PXDC1: variants seen among roughly 807,000 people sequenced by gnomAD.
PXDC1 encodes the protein PX domain-containing protein 1.
In PXDC1, 13 loss-of-function variants were observed where a neutral mutation model predicts 24.4. The ratio of observed to expected loss-of-function variants is 0.53; its 90% CI spans 0.35 to 0.85. The LOEUF is 0.85. PXDC1 is among the 40% of genes least tolerant of loss of function. PXDC1 has a pLI of 0.01. For missense variants in PXDC1, 344 were observed against 309.3 expected, an observed-to-expected ratio of 1.11 and a Z score of -0.84; for synonymous variants, 162 against 124.9, an observed-to-expected ratio of 1.30 and a Z score of -1.98.
At chr6:3,739,162 C>G in intron 1 of PXDC1, 1 of 1,108,072 alleles carries the variant, frequency 9.0e-7, no homozygotes, top group Non-Finnish European at 1.1e-6. Flanking sequence ...TTGAATAGGT[C>G]TATAAGAGAG....
intron 4 of PXDC1, among the ~76,000 whole-genome samples, chr6:3,726,043 C>T (rs77333763): frequency 0.012 from 1,877 of 152,302 alleles, 50 homozygotes; most frequent in African/African-American, 0.043. Flanking sequence ...CCGTGTGTTT[C>T]TCCTCAGCTC....
chr6:3,724,127 G>A lies in PXDC1; in HGVS notation c.579-391C>T, dbSNP rs985290848. Among the ~76,000 whole-genome samples, 2 of 152,320 alleles carry A rather than the reference G, an allele frequency of 1.3e-5. No homozygotes were observed. Among genetic ancestry groups the A allele is most frequent in the South Asian group, 2.1e-4 (1 of 4,828 alleles). ...GGCCCTGGGGACAGCTGAGAGAGGA[G>A]TGGTCACGAGCTCACAGCCTGACCG... On this transcript the variant is annotated intron_variant, in intron 4 of 4. Transcript: ENST00000380283. This position sits in a 1 kb window ranked among gnomAD's most constrained non-coding sequence, Gnocchi z 4.5.
Position 3,751,537 on chromosome 6 carries a change from A to C in PXDC1, c.-6T>G. On this transcript the variant is annotated 5_prime_UTR_variant, in exon 1 of 5. Coordinates refer to ENST00000380283, the MANE Select transcript of PXDC1 (RefSeq NM_183373.4). ...TCAAACACCGCCGAGGCCATGTCGC[A>C]CGCATGCCCCCGCCAAGGGCTCCCC... The C allele has an allele frequency of 6.4e-7, 1 of 1,563,962 alleles. No homozygotes were observed. The highest frequency in any genetic ancestry group is 8.6e-7 in the Non-Finnish European group (1 of 1,157,904).
At chr6:3,748,286 C>G (rs1340187988) in intron 1 of PXDC1, among the ~76,000 whole-genome samples, 2 of 152,092 alleles carry the variant, frequency 1.3e-5, no homozygotes, top group Non-Finnish European at 2.9e-5. Flanking sequence ...ACCTCCCTCC[C>G]CTAGGGCTGC....
At chr6:3,738,015 C>A (rs1760362904) in intron 2 of PXDC1, 42 bp downstream of exon 2, 1 of 1,531,286 alleles carries the variant, frequency 6.5e-7, no homozygotes, top group African/African-American at 1.4e-5. Context: ...GGTGCCAGCA[C>A]CTCCCACCTC....
intron 1 of PXDC1, among the ~76,000 whole-genome samples, chr6:3,749,088 A>T (rs1760638308): frequency 6.6e-6 from 1 of 152,040 alleles, no homozygotes; most frequent in African/African-American, 2.4e-5. Flanking sequence ...GCACAACAAA[A>T]CTCAGGTGGT....
chr6:3,725,704 C>G lies in PXDC1; in HGVS notation c.578+1847G>C, dbSNP rs555549259. Among the ~76,000 whole-genome samples, 56 of 152,332 alleles carry G rather than the reference C, an allele frequency of 3.7e-4. 1 individual carries two copies. Among genetic ancestry groups the G allele is most frequent in the African/African-American group, 1.2e-3 (50 of 41,580 alleles). On this transcript the variant is annotated intron_variant, in intron 4 of 4. Coordinates refer to ENST00000380283, the MANE Select transcript of PXDC1 (RefSeq NM_183373.4). The surrounding 1 kb of genome is among the most constrained non-coding windows in gnomAD (Gnocchi z 4.8). ...GTGCTCTTGGTCGCTGTCAACCCCC[C>G]ACCCGACAGCCGGTGCCGTGTAGAA...
chr6:3,733,580 G>A (rs1190168803), intron 3 of PXDC1, among the ~76,000 whole-genome samples: 4 of 152,070 alleles, frequency 2.6e-5, no homozygotes, highest in East Asian at 3.9e-4. Context: ...CTCGGTGACC[G>A]GCAGAGAAGA....
rs762656254 is a variant in PXDC1 at position 3,751,362 on chromosome 6, A to G, written c.170T>C (p.Leu57Pro). The change falls in exon 1 of 5, where the codon CTG becomes CCG. Residue 57 changes from leucine (L) to proline (P), a missense_variant. Coordinates refer to ENST00000380283, the MANE Select transcript of PXDC1 (RefSeq NM_183373.4). ...DRSVLYLHRS[L>P]ADLGRLWQRL... ...CTGCCACAGGCGGCCCAGGTCCGCC[A>G]GGCTGCGGTGCAGGTAGAGCACGCT... is the stretch of plus-strand genomic sequence containing the variant. The G allele has an allele frequency of 6.4e-6, 10 of 1,560,358 alleles. No individual in the cohort carries two copies. The highest frequency in any genetic ancestry group is 8.7e-6 in the Non-Finnish European group (10 of 1,154,778).
chr6:3,749,852 A>C (rs779885113), intron 1 of PXDC1, among the ~76,000 whole-genome samples: 1 of 152,236 alleles, frequency 6.6e-6, no homozygotes, highest in South Asian at 2.1e-4. Context: ...CAGGGACTCC[A>C]GTGTATTTAA....
chr6:3,750,689 G>A (rs982169173), intron 1 of PXDC1, among the ~76,000 whole-genome samples: 3 of 152,200 alleles, frequency 2.0e-5, no homozygotes, highest in African/African-American at 7.2e-5. Flanking sequence ...CCTGGCGGGG[G>A]TGCGGGGGGG....
rs764459636 is a variant in PXDC1, at chr6:3,751,379, G to A, written c.153C>T (p.Leu51=). The part of the protein sequence containing the change: ...IRTEWSDRSV[L]YLHRSLADLG... The stretch of plus-strand genomic sequence containing the variant: ...GGTCCGCCAGGCTGCGGTGCAGGTA[G>A]AGCACGCTGCGGTCCGACCACTCCG... Residue 51 remains leucine (L), a synonymous_variant, in exon 1 of 5, where the codon CTC becomes CTT. Transcript: ENST00000380283. The A allele has an allele frequency of 7.0e-6, 11 of 1,565,684 alleles. No homozygotes were observed. The highest frequency in any genetic ancestry group is 9.5e-6 in the Non-Finnish European group (11 of 1,156,862).
chr6:3,737,329 C>G lies in PXDC1; in HGVS notation c.349-133G>C. The G allele has an allele frequency of 1.5e-6, 1 of 682,614 alleles. No homozygotes were observed. The highest frequency in any genetic ancestry group is 1.8e-5 in the South Asian group (1 of 55,354). 42.3% of individuals were successfully genotyped at this position (682,614 alleles called of 1,614,324 possible). A position where few individuals can be genotyped will look rare whatever the true frequency, so the allele number is the denominator to read the frequency against. On this transcript the variant is annotated intron_variant, in intron 2 of 4. Transcript: ENST00000380283. This position sits in a 1 kb window ranked among gnomAD's most constrained non-coding sequence, Gnocchi z 5.5. ...CAAACGCCCCATGAATGTCCAGATG[C>G]TCCCATGGCTGGCCGCAGGGGCGGG...
At chr6:3,736,967 T>A (rs1416690707) in intron 3 of PXDC1, 112 bp downstream of exon 3, 1 of 729,484 alleles carries the variant, frequency 1.4e-6, no homozygotes, top group East Asian at 2.5e-5. Context: ...CTCTCGATTG[T>A]CTTTCTGGAA....
At chr6:3,735,610 G>C (rs995075448) in intron 3 of PXDC1, among the ~76,000 whole-genome samples, 2 of 152,202 alleles carry the variant, frequency 1.3e-5, no homozygotes, top group Non-Finnish European at 2.9e-5. Context: ...GGCTGGGGAG[G>C]GGCCAGCGGT....
At chr6:3,751,209 C>T (rs1760708490) in intron 1 of PXDC1, 67 bp downstream of exon 1, 3 of 1,230,600 alleles carry the variant, frequency 2.4e-6, no homozygotes, top group South Asian at 1.7e-5. Flanking sequence ...AAGTCTCTTC[C>T]CCGCCTCCTT....
At chr6:3,750,257 T>A (rs1021521713) in intron 1 of PXDC1, among the ~76,000 whole-genome samples, 11 of 152,096 alleles carry the variant, frequency 7.2e-5, no homozygotes, top group African/African-American at 2.7e-4. Context: ...ACCTTCTGCT[T>A]CAGTAACTTG....
chr6:3,750,566 G>A (rs894598395), intron 1 of PXDC1, among the ~76,000 whole-genome samples: 11 of 152,200 alleles, frequency 7.2e-5, no homozygotes, highest in African/African-American at 1.9e-4. Context: ...GGGCAGAGCG[G>A]TAGGAAAAGG....
In PXDC1 at chr6:3,724,831, C is replaced by G. The variant is rs1046978603; in HGVS notation, c.579-1095G>C. Reference sequence around the variant, plus strand: ...TATGTCCCCCACAAACCTAGTACATCGTGCGAATCCCGCTGACCTCAAGGG... The same window carrying G: ...TATGTCCCCCACAAACCTAGTACATGGTGCGAATCCCGCTGACCTCAAGGG... On this transcript the variant is annotated intron_variant, in intron 4 of 4. Coordinates refer to ENST00000380283, the MANE Select transcript of PXDC1 (RefSeq NM_183373.4). The surrounding 1 kb of genome is among the most constrained non-coding windows in gnomAD (Gnocchi z 4.5). Among the ~76,000 whole-genome samples the G allele has an allele frequency of 6.6e-6, 1 of 152,224 alleles. No individual in the cohort carries two copies. Among genetic ancestry groups the G allele is most frequent in the Non-Finnish European group, 1.5e-5 (1 of 68,042 alleles).
Sources: gnomAD v4.1 joint callset for allele counts (sites outside exome capture counted in the v4.1 genomes callset) on GRCh38, gnomAD v4.1.1 for gene constraint, Gnocchi (gnomAD v3.1) non-coding constraint, MANE v1.5 for transcripts, NCBI Gene and HGNC (gene_info 2026-07-23, HGNC 2026-07-21) for gene names.